SORCS1: variants seen among roughly 807,000 people sequenced by gnomAD.
SORCS1 encodes sortilin related VPS10 domain containing receptor 1.
Under a neutral mutation model 146.1 loss-of-function variants are expected in SORCS1, and 60 were observed. That is an observed-to-expected ratio of 0.41 (90% CI 0.33 to 0.51). The LOEUF is 0.51. Among genes scored for constraint, SORCS1 ranks in the 20% least tolerant of loss-of-function variants. The pLI is 0.21. For missense variants in SORCS1, 1,352 were observed against 1,487.6 expected, an observed-to-expected ratio of 0.91 and a Z score of 1.50; for synonymous variants, 637 against 584.0, an observed-to-expected ratio of 1.09 and a Z score of -1.31.
At chr10:106,946,532 G>A (rs999692656) in intron 2 of SORCS1, among the ~76,000 whole-genome samples, 7 of 152,222 alleles carry the variant, frequency 4.6e-5, no homozygotes, top group African/African-American at 1.4e-4. Flanking sequence ...CTGTTGCCAT[G>A]TAAGACGTGG....
intron 3 of SORCS1, among the ~76,000 whole-genome samples, chr10:106,824,168 G>A (rs988916036): frequency 1.3e-5 from 2 of 151,794 alleles, no homozygotes; most frequent in Non-Finnish European, 2.9e-5. Context: ...GTTGGGTGTG[G>A]TGGTGCATGC....
chr10:107,109,626 A>G (rs1216882214), intron 1 of SORCS1, among the ~76,000 whole-genome samples: 1 of 152,130 alleles, frequency 6.6e-6, no homozygotes, highest in Non-Finnish European at 1.5e-5. Context: ...ACCTCTCTGA[A>G]ATACCTTTTC....
At chr10:106,636,013 A>G (rs1313508805) in intron 18 of SORCS1, among the ~76,000 whole-genome samples, 1 of 152,216 alleles carries the variant, frequency 6.6e-6, no homozygotes. Context: ...TAACAGTTCA[A>G]CGTACCCTGG....
Position 106,963,797 on chromosome 10 carries a change from T to C in SORCS1, c.559-7217A>G, listed in dbSNP as rs1440469692. 2.0e-5 allele frequency among the ~76,000 whole-genome samples: 3 copies of C among 152,254 alleles called. No homozygotes were observed. In the East Asian group the frequency reaches 5.8e-4, roughly 29 times the overall value. ...TTAATAAACATTTATTAAGCTTTGT[T>C]AAAAGGCAATAATTTAAAAATACAT... On this transcript the variant is annotated intron_variant, in intron 1 of 25. Transcript: ENST00000263054.
At chr10:107,171,481 A>G in the SORCS1 span, among the ~76,000 whole-genome samples, 1 of 147,022 alleles carries the variant, frequency 6.8e-6, no homozygotes, top group African/African-American at 2.6e-5. Context: ...CAGCTTGAGA[A>G]ATTAACTTTA....
intron 1 of SORCS1, among the ~76,000 whole-genome samples, chr10:107,093,400 C>T (rs1009248532): frequency 2.6e-5 from 4 of 152,134 alleles, no homozygotes; most frequent in Admixed American, 6.5e-5. Context: ...TTCGGCCAGG[C>T]GTGGTGGCTC....
chr10:107,156,981 T>C (rs1163582889), intron 1 of SORCS1, among the ~76,000 whole-genome samples: 1 of 152,168 alleles, frequency 6.6e-6, no homozygotes, highest in Non-Finnish European at 1.5e-5. Flanking sequence ...ATTTCAGTGG[T>C]TTAAACAATG....
At chr10:106,884,055 G>A (rs971492122) in intron 2 of SORCS1, among the ~76,000 whole-genome samples, 3 of 151,958 alleles carry the variant, frequency 2.0e-5, no homozygotes, top group Non-Finnish European at 2.9e-5. Flanking sequence ...CCCTAATTCT[G>A]TAAACTACTT....
intron 8 of SORCS1, among the ~76,000 whole-genome samples, chr10:106,703,658 T>C (rs1033123177): frequency 2.0e-5 from 3 of 152,142 alleles, no homozygotes; most frequent in Middle Eastern, 3.2e-3. Context: ...TTAAAGAAAA[T>C]TGAGCATAAA....
intron 3 of SORCS1, among the ~76,000 whole-genome samples, chr10:106,821,562 T>A (rs1948025085): frequency 6.6e-6 from 1 of 152,208 alleles, no homozygotes; most frequent in East Asian, 1.9e-4. Flanking sequence ...GTGATAGACA[T>A]AACACTTACA....
chr10:106,976,555 T>C (rs1956032585), intron 1 of SORCS1, among the ~76,000 whole-genome samples: 2 of 152,012 alleles, frequency 1.3e-5, no homozygotes, highest in South Asian at 4.2e-4. Context: ...ATGGTCTCGA[T>C]CTCCTGACCT....
intron 1 of SORCS1, among the ~76,000 whole-genome samples, chr10:107,140,934 C>T (rs1445845181): frequency 6.6e-6 from 1 of 152,142 alleles, no homozygotes; most frequent in Non-Finnish European, 1.5e-5. Flanking sequence ...ACCAGGAATT[C>T]AAACCCAGTC....
chr10:106,916,094 A>G (rs1052264281), intron 2 of SORCS1, among the ~76,000 whole-genome samples: 1 of 152,202 alleles, frequency 6.6e-6, no homozygotes, highest in African/African-American at 2.4e-5. Context: ...ACTCTTGCCT[A>G]GGTAGAATCC....
intron 5 of SORCS1, among the ~76,000 whole-genome samples, chr10:106,734,988 G>A (rs4474370): frequency 0.43 from 65,641 of 151,540 alleles, 14,250 homozygotes; most frequent in South Asian, 0.47. Flanking sequence ...TCTACTAAAA[G>A]TACAAAAATT....
intron 6 of SORCS1, among the ~76,000 whole-genome samples, chr10:106,711,509 C>A (rs965619744): frequency 1.3e-5 from 2 of 152,154 alleles, no homozygotes; most frequent in African/African-American, 2.4e-5. Context: ...CAGAGTGCCA[C>A]TAGGGGGCGG....
At chr10:107,065,464 C>CTTTCTTTCTTTCTTT (rs1564992177) in intron 1 of SORCS1, among the ~76,000 whole-genome samples, 1 of 72,830 alleles carries the variant, frequency 1.4e-5, no homozygotes, top group African/African-American at 6.9e-5. Flanking sequence ...CTCTTTCTCT[C>CTTTCTTTCTTTCTTT]TCCCTCTCCT....
chr10:106,936,150 T>C (rs1176117408), intron 2 of SORCS1, among the ~76,000 whole-genome samples: 1 of 152,182 alleles, frequency 6.6e-6, no homozygotes, highest in Non-Finnish European at 1.5e-5. Context: ...TTTTCTCTAA[T>C]TTTTGACTTG....
chr10:107,060,231 C>T lies in SORCS1; in HGVS notation c.559-103651G>A, dbSNP rs1450834248. 1.3e-5 allele frequency among the ~76,000 whole-genome samples: 2 copies of T among 152,164 alleles called. No homozygotes were observed. The highest frequency in any genetic ancestry group is 4.8e-5 in the African/African-American group (2 of 41,442). ...ACAATGAGGATCTGAAGTTTACATG[C>T]TGTCTTCAGAATGTTTTATCCATCT... On this transcript the variant is annotated intron_variant, in intron 1 of 25. Coordinates refer to ENST00000263054, the MANE Select transcript of SORCS1 (RefSeq NM_052918.5). This position sits in a 1 kb window ranked among gnomAD's most constrained non-coding sequence, Gnocchi z 4.1.
At chr10:106,669,363 A>C (rs1303548206) in intron 16 of SORCS1, among the ~76,000 whole-genome samples, 1 of 148,220 alleles carries the variant, frequency 6.7e-6, no homozygotes, top group East Asian at 2.0e-4. Context: ...ATCTCATCTC[A>C]TTTTTTTTTT....
Sources: allele counts gnomAD v4.1 joint callset (sites outside exome capture counted in the v4.1 genomes callset), GRCh38; gene constraint gnomAD v4.1.1; non-coding constraint Gnocchi (gnomAD v3.1); transcripts MANE v1.5; gene names NCBI Gene and HGNC (gene_info 2026-07-23, HGNC 2026-07-21).